PNPLA7: variants seen among roughly 807,000 people sequenced by gnomAD.
PNPLA7 encodes the protein patatin like domain 7, lysophospholipase, also known as patatin-like phospholipase domain-containing protein 7.
In PNPLA7, 153 loss-of-function variants were observed where a neutral mutation model predicts 161.7. That is an observed-to-expected ratio of 0.95 (90% CI 0.83 to 1.08). PNPLA7 has a LOEUF of 1.08. PNPLA7 is among the 50% of genes least tolerant of loss of function. PNPLA7 has a pLI of 0.00. For synonymous variants in PNPLA7, 809 were observed against 782.1 expected (o/e 1.03, Z -0.57); for missense variants, 1,739 against 1,856.6 (o/e 0.94, Z 1.16).
At position 137,540,511 on chromosome 9, in the gene PNPLA7, A is replaced by C. The variant is rs745866158; in HGVS notation, c.747+131T>G. On this transcript the variant is annotated intron_variant, in intron 8 of 34. Transcript: ENST00000406427. The surrounding 1 kb of genome is among the most constrained non-coding windows in gnomAD (Gnocchi z 5.1). ...TCTTTCTTCCCTCCTTCCTGGACCA[A>C]ACCCTGCTCCCCTCACATCACTGTG... is the stretch of plus-strand genomic sequence containing the variant. 26 of 802,450 alleles carry C rather than the reference A, an allele frequency of 3.2e-5. No individual in the cohort carries two copies. Among genetic ancestry groups the C allele is most frequent in the Non-Finnish European group, 5.0e-5 (25 of 503,298 alleles). The allele number at this position is 802,450 out of a possible 1,614,324, so 49.7% of individuals were successfully genotyped here.
At chr9:137,460,821 C>A in intron 33 of PNPLA7, 84 bp from the exon 34 acceptor site, 4 of 1,246,490 alleles carry the variant, frequency 3.2e-6, no homozygotes, top group Non-Finnish European at 3.4e-6. Context: ...GCAGAACCGG[C>A]CACAGATGCC....
rs575116336 is a variant in PNPLA7, at chr9:137,520,515, A to G, written c.958-472T>C. On this transcript the variant is annotated intron_variant, in intron 10 of 34. Coordinates refer to ENST00000406427, the MANE Select transcript of PNPLA7 (RefSeq NM_001098537.3). This position sits in a 1 kb window ranked among gnomAD's most constrained non-coding sequence, Gnocchi z 5.2. ...TGAAGACGACAAGCCCTAAAATGTCATCAGAATTATGATTTCCAACTGAAA... is the reference window on the plus strand; with the variant it reads ...TGAAGACGACAAGCCCTAAAATGTCGTCAGAATTATGATTTCCAACTGAAA... Among the ~76,000 whole-genome samples the G allele has an allele frequency of 1.3e-5, 2 of 152,400 alleles. No homozygotes were observed. Among genetic ancestry groups the G allele is most frequent in the African/African-American group, 4.8e-5 (2 of 41,602 alleles).
intron 12 of PNPLA7, 34 bp downstream of exon 12, chr9:137,515,345 T>A: frequency 6.3e-7 from 1 of 1,590,286 alleles, no homozygotes; most frequent in Non-Finnish European, 8.6e-7. Flanking sequence ...GGCCTGTGGG[T>A]CACACTGGCT....
chr9:137,514,577 G>A (rs1834419133), intron 12 of PNPLA7, among the ~76,000 whole-genome samples: 2 of 147,686 alleles, frequency 1.4e-5, no homozygotes, highest in Admixed American at 6.7e-5. Context: ...CCCTGTGGCC[G>A]GGCTGTGGGC....
intron 29 of PNPLA7, 190 bp downstream of exon 29, chr9:137,463,225 G>T: frequency 1.6e-6 from 1 of 609,142 alleles, no homozygotes; most frequent in Non-Finnish European, 2.9e-6. Context: ...CGGTGCCTGC[G>T]TGTGCATGTA....
intron 33 of PNPLA7, 46 bp downstream of exon 33, chr9:137,461,490 G>A: frequency 6.4e-7 from 1 of 1,556,344 alleles, no homozygotes. Flanking sequence ...CACAGCATCA[G>A]GAGGTCACGC....
At chr9:137,494,304 GC>G (rs1832921353) in intron 19 of PNPLA7, among the ~76,000 whole-genome samples, 1 of 151,900 alleles carries the variant, frequency 6.6e-6, no homozygotes. Context: ...CCTTTCCTCT[GC>G]CACACCCACA....
Position 137,543,461 on chromosome 9 carries a change from C to T in PNPLA7, c.477G>A (p.Ser159=), listed in dbSNP as rs367914925. ...EFDVKNSHLP[S]EVLYMLKNVR... ...CGTTTTTCAGCATGTACAGAACTTC[C>T]GATGGCAGGTGAGAATTCTTCACGT... Residue 159 remains serine (S), a synonymous_variant, in exon 6 of 35, where the codon TCG becomes TCA. Transcript: ENST00000406427. This position sits in a 1 kb window ranked among gnomAD's most constrained non-coding sequence, Gnocchi z 6.9. The T allele has an allele frequency of 1.1e-5, 17 of 1,613,986 alleles. No individual in the cohort carries two copies. Among genetic ancestry groups the T allele is most frequent in the East Asian group, 4.5e-5 (2 of 44,890 alleles).
intron 14 of PNPLA7, among the ~76,000 whole-genome samples, chr9:137,502,730 G>C (rs34159159): frequency 3.1e-3 from 126 of 40,888 alleles, no homozygotes; most frequent in Middle Eastern, 8.8e-3. Flanking sequence ...GCGGGGGACG[G>C]GGGGGACGAG....
chr9:137,490,430 C>G lies in PNPLA7; in HGVS notation c.2197+2583G>C, dbSNP rs951407541. 6.6e-6 allele frequency among the ~76,000 whole-genome samples: 1 copy of G among 152,168 alleles called. No individual in the cohort carries two copies. The highest frequency in any genetic ancestry group is 1.5e-5 in the Non-Finnish European group (1 of 68,036). Reference sequence around the variant, plus strand: ...TGAACACAGCTAGAGAGAAATGATGCGTTACCTACTGGAGAACATCTGGAT... The same window carrying G: ...TGAACACAGCTAGAGAGAAATGATGGGTTACCTACTGGAGAACATCTGGAT... On this transcript the variant is annotated intron_variant, in intron 20 of 34. Transcript: ENST00000406427. This position sits in a 1 kb window ranked among gnomAD's most constrained non-coding sequence, Gnocchi z 4.1.
In PNPLA7 at chr9:137,480,340, A is replaced by G; in HGVS notation, c.2552T>C (p.Leu851Pro). 6.2e-7 allele frequency: 1 copy of G among 1,613,050 alleles called. No individual in the cohort carries two copies. The highest frequency in any genetic ancestry group is 2.2e-5 in the East Asian group (1 of 44,870). Residue 851 changes from leucine (L) to proline (P), a missense_variant, in exon 23 of 35, where the codon CTG becomes CCG. Transcript: ENST00000406427. ...RQADCILIVG[L>P]GDQEPTVGEL... is the part of the protein sequence containing the mutation. ...GCCCACTGTGGGCTCCTGGTCACCC[A>G]GGCCCACGATGAGGATGCAGTCGGC...
chr9:137,517,172 C>A (rs1405925811), intron 11 of PNPLA7, among the ~76,000 whole-genome samples: 3 of 140,184 alleles, frequency 2.1e-5, no homozygotes, highest in Admixed American at 7.0e-5. Flanking sequence ...ACTCCATCCC[C>A]CACTCACTCA....
chr9:137,522,834 C>A lies in PNPLA7; in HGVS notation c.771G>T (p.Thr257=). The change falls in exon 9 of 35, where the codon ACG becomes ACT. Residue 257 remains threonine (T), a synonymous_variant. Coordinates refer to ENST00000406427, the MANE Select transcript of PNPLA7 (RefSeq NM_001098537.3). The part of the protein sequence containing the change: ...IITGHAAPYK[T]VSVRAAIPST... ...ACGGGATGGCCGCGCGGACGGAGAC[C>A]GTTTTGTAAGGTGCAGCATGGCCCT... is the stretch of plus-strand genomic sequence containing the variant. 6.2e-7 allele frequency: 1 copy of A among 1,613,606 alleles called. No homozygotes were observed. The highest frequency in any genetic ancestry group is 8.5e-7 in the Non-Finnish European group (1 of 1,179,928).
intron 25 of PNPLA7, among the ~76,000 whole-genome samples, chr9:137,473,744 C>T (rs1831815885): frequency 6.6e-6 from 1 of 152,208 alleles, no homozygotes; most frequent in Non-Finnish European, 1.5e-5. Context: ...ATTAGAATCA[C>T]AGTGAGACAC....
chr9:137,462,391 C>T (rs1032339035), intron 30 of PNPLA7, 60 bp from the exon 31 acceptor site: 19 of 1,540,800 alleles, frequency 1.2e-5, no homozygotes, highest in Admixed American at 2.0e-5. Flanking sequence ...CCCAGCCTGG[C>T]CCGTGGCGCA....
In PNPLA7 at chr9:137,460,141, G is replaced by C. The variant is rs60225660; in HGVS notation, c.*252C>G. 1 of 423,258 alleles carries C rather than the reference G, an allele frequency of 2.4e-6. No individual in the cohort carries two copies. The highest frequency in any genetic ancestry group is 4.4e-6 in the Non-Finnish European group (1 of 228,250). The allele number at this position is 423,258 out of a possible 1,614,324, so 26.2% of individuals were successfully genotyped here. A position where few individuals can be genotyped will look rare whatever the true frequency, so the allele number is the denominator to read the frequency against. ...TCGGGGGGCCTCACAGGGCTGCAGG[G>C]GGTTCACAGAGCTTCAGGGGCCTCA... On this transcript the variant is annotated 3_prime_UTR_variant, in exon 35 of 35. Transcript: ENST00000406427.
chr9:137,481,270 C>T (rs1832205598), intron 21 of PNPLA7, among the ~76,000 whole-genome samples: 1 of 152,238 alleles, frequency 6.6e-6, no homozygotes, highest in African/African-American at 2.4e-5. Flanking sequence ...CTCCCATCTG[C>T]CCTGAAGGAG....
intron 12 of PNPLA7, among the ~76,000 whole-genome samples, chr9:137,512,306 G>A (rs1305912241): frequency 2.0e-5 from 3 of 152,260 alleles, no homozygotes; most frequent in African/African-American, 2.4e-5. Flanking sequence ...AGGTGGGGAG[G>A]CTTCTCCACA....
At chr9:137,519,669 G>A (rs1355734626) in intron 11 of PNPLA7, among the ~76,000 whole-genome samples, 1 of 141,642 alleles carries the variant, frequency 7.1e-6, no homozygotes, top group Non-Finnish European at 1.5e-5. Context: ...GGCATGTGAG[G>A]TGACCTGGGG....
Sources: gnomAD v4.1 joint callset for allele counts (sites outside exome capture counted in the v4.1 genomes callset) on GRCh38, gnomAD v4.1.1 for gene constraint, Gnocchi (gnomAD v3.1) non-coding constraint, MANE v1.5 for transcripts, NCBI Gene and HGNC (gene_info 2026-07-23, HGNC 2026-07-21) for gene names.